The following KLF12 variants were observed in gnomAD, a reference collection of about 807,000 sequenced individuals.
KLF12 encodes KLF transcription factor 12.
A neutral mutation model predicts 37.8 loss-of-function variants in KLF12; 9 were observed. That is an observed-to-expected ratio of 0.24 (90% CI 0.14 to 0.42). The LOEUF (loss-of-function observed/expected upper bound fraction) is 0.42, where lower values mean the gene tolerates loss of function less well. KLF12 is among the 10% of genes least tolerant of loss of function. The pLI is 1.00. For synonymous variants in KLF12, 208 were observed against 202.1 expected (o/e 1.03, Z -0.25); for missense variants, 411 against 516.0 (o/e 0.80, Z 1.97).
chr13:73,724,386 T>G (rs993245419), intron 6 of KLF12, among the ~76,000 whole-genome samples: 2 of 152,302 alleles, frequency 1.3e-5, no homozygotes, highest in East Asian at 1.9e-4. Flanking sequence ...TGGGGCCTGA[T>G]GTAGTACTTA....
At chr13:74,144,519 A>G in the KLF12 span, among the ~76,000 whole-genome samples, 2 of 152,328 alleles carry the variant, frequency 1.3e-5, no homozygotes, top group Middle Eastern at 3.4e-3. Context: ...TTTCACATCA[A>G]TCACTATGTA....
the KLF12 span, among the ~76,000 whole-genome samples, chr13:74,246,372 G>A: frequency 6.6e-6 from 1 of 152,162 alleles, no homozygotes; most frequent in Non-Finnish European, 1.5e-5. Flanking sequence ...CTGTCTTTTA[G>A]GAAGGAGAAG....
the KLF12 span, among the ~76,000 whole-genome samples, chr13:74,243,118 CT>C: frequency 6.6e-6 from 1 of 152,116 alleles, no homozygotes; most frequent in Non-Finnish European, 1.5e-5. Flanking sequence ...TCCCCCACCC[CT>C]GACAGGCCCC....
the KLF12 span, among the ~76,000 whole-genome samples, chr13:74,155,991 A>G: frequency 3.9e-5 from 6 of 152,176 alleles, no homozygotes; most frequent in South Asian, 2.1e-4. Context: ...TCATCTCAGC[A>G]TGTACATAGT....
At chr13:73,972,805 C>T (rs147096488) in intron 2 of KLF12, among the ~76,000 whole-genome samples, 1 of 150,768 alleles carries the variant, frequency 6.6e-6, no homozygotes, top group Non-Finnish European at 1.5e-5. Context: ...GTGTTTTGCC[C>T]GTGTGAGAGC....
At chr13:74,115,468 G>A (rs1009667424) in intron 1 of KLF12, among the ~76,000 whole-genome samples, 1 of 152,150 alleles carries the variant, frequency 6.6e-6, no homozygotes, top group Non-Finnish European at 1.5e-5. Context: ...ACTTTGGGAG[G>A]CTGAAGCAGG....
chr13:74,230,495 T>C, the KLF12 span, among the ~76,000 whole-genome samples: 1 of 152,114 alleles, frequency 6.6e-6, no homozygotes, highest in Non-Finnish European at 1.5e-5. Context: ...TCATCCACAC[T>C]CTCATCAATT....
At chr13:73,808,579 C>T (rs1882769233) in intron 5 of KLF12, among the ~76,000 whole-genome samples, 1 of 152,068 alleles carries the variant, frequency 6.6e-6, no homozygotes. Flanking sequence ...GTAGATGTAT[C>T]TTGGTTAACA....
the KLF12 span, among the ~76,000 whole-genome samples, chr13:74,163,621 C>T: frequency 1.3e-5 from 2 of 151,686 alleles, no homozygotes; most frequent in Non-Finnish European, 2.9e-5. Flanking sequence ...TTAATGGGTA[C>T]AAAAAATGAA....
chr13:73,903,887 G>A (rs1430338136), intron 3 of KLF12, among the ~76,000 whole-genome samples: 4 of 152,116 alleles, frequency 2.6e-5, no homozygotes, highest in African/African-American at 7.2e-5. Flanking sequence ...TGGTCCTTCC[G>A]ATGATGTGAG....
At chr13:73,982,950 TTTTTCCA>T (rs1891726816) in intron 2 of KLF12, among the ~76,000 whole-genome samples, 1 of 151,630 alleles carries the variant, frequency 6.6e-6, no homozygotes, top group Non-Finnish European at 1.5e-5. Context: ...TTTAACACTT[TTTTTCCA>T]AAAAAAAAAG....
intron 3 of KLF12, among the ~76,000 whole-genome samples, chr13:73,932,172 C>G (rs939845546): frequency 5.3e-5 from 8 of 152,078 alleles, no homozygotes. Flanking sequence ...TTAGTTATGA[C>G]AAGAATATGG....
intron 2 of KLF12, among the ~76,000 whole-genome samples, chr13:73,957,435 T>C (rs1424964139): frequency 6.6e-6 from 1 of 152,198 alleles, no homozygotes; most frequent in Non-Finnish European, 1.5e-5. Context: ...AATATTAATA[T>C]AACAACTAAG....
the KLF12 span, among the ~76,000 whole-genome samples, chr13:74,150,554 T>C: frequency 2.2e-4 from 34 of 152,368 alleles, no homozygotes; most frequent in Admixed American, 1.2e-3. Flanking sequence ...GATAGAAGCT[T>C]CATTCTTACT....
the KLF12 span, among the ~76,000 whole-genome samples, chr13:74,271,676 C>G: frequency 3.3e-5 from 5 of 152,184 alleles, no homozygotes; most frequent in African/African-American, 1.2e-4. Context: ...TATTGAACTA[C>G]TAGCCACAGG....
At chr13:73,908,410 A>AC (rs1555323732) in intron 3 of KLF12, among the ~76,000 whole-genome samples, 2 of 150,142 alleles carry the variant, frequency 1.3e-5, no homozygotes, top group African/African-American at 4.9e-5. Context: ...TCAAAAAAAA[A>AC]AAACAAACAA....
chr13:74,207,027 T>G, the KLF12 span, among the ~76,000 whole-genome samples: 1 of 152,168 alleles, frequency 6.6e-6, no homozygotes, highest in Non-Finnish European at 1.5e-5. Context: ...CTAGAGGCCA[T>G]GAAGTCCAAG....
chr13:73,969,029 T>TAAAA (rs58954841), intron 2 of KLF12, among the ~76,000 whole-genome samples: 1 of 147,632 alleles, frequency 6.8e-6, no homozygotes, highest in Non-Finnish European at 1.5e-5. Context: ...CCCCATACTT[T>TAAAA]AAAAAAAAAA....
the KLF12 span, among the ~76,000 whole-genome samples, chr13:74,237,667 A>T: frequency 2.0e-5 from 3 of 151,364 alleles, no homozygotes. Context: ...CATCCCTTGT[A>T]AGTTGGATTC....
Sources: gnomAD v4.1 joint callset for allele counts (sites outside exome capture counted in the v4.1 genomes callset) on GRCh38, gnomAD v4.1.1 for gene constraint, MANE v1.5 for transcripts, NCBI Gene and HGNC (gene_info 2026-07-23, HGNC 2026-07-21) for gene names.